Variants in MAD1L1 observed in about 807,000 individuals in gnomAD.
MAD1L1 encodes mitotic arrest deficient 1 like 1.
Under a neutral mutation model 96.9 loss-of-function variants are expected in MAD1L1, and 95 were observed. The observed-to-expected ratio is 0.98, with a 90% confidence interval of 0.83 to 1.16. The LOEUF is 1.16. MAD1L1 is among the 50% of genes most tolerant of loss of function. The pLI is 0.00. For synonymous variants in MAD1L1, 473 were observed against 396.6 expected, an observed-to-expected ratio of 1.19 and a Z score of -2.29; for missense variants, 1,007 against 954.4, an observed-to-expected ratio of 1.06 and a Z score of -0.73.
intron 12 of MAD1L1, among the ~76,000 whole-genome samples, chr7:2,038,671 C>A (rs1250195899): frequency 1.3e-5 from 2 of 151,902 alleles, no homozygotes; most frequent in Non-Finnish European, 2.9e-5. Context: ...TGCCACCACG[C>A]CTCACTAATT....
At chr7:1,957,601 C>T (rs762849892) in intron 16 of MAD1L1, 28 bp downstream of exon 16, 1 of 1,609,194 alleles carries the variant, frequency 6.2e-7, no homozygotes. Context: ...CCAGGCAGTG[C>T]CTCACCCAGA....
At chr7:1,870,229 G>A (rs71523265) in intron 18 of MAD1L1, among the ~76,000 whole-genome samples, 45,837 of 151,140 alleles carry the variant, frequency 0.3, 8,211 homozygotes, top group East Asian at 0.45. Context: ...TGCCTGCCAC[G>A]CTGAACCGAC....
intron 16 of MAD1L1, among the ~76,000 whole-genome samples, chr7:1,937,165 G>T (rs1778659839): frequency 6.6e-6 from 1 of 152,222 alleles, no homozygotes; most frequent in African/African-American, 2.4e-5. Flanking sequence ...CAGGGTGAGA[G>T]GGGACATGCG....
intron 18 of MAD1L1, among the ~76,000 whole-genome samples, chr7:1,818,307 A>G (rs1486416886): frequency 2.6e-5 from 4 of 152,086 alleles, no homozygotes; most frequent in African/African-American, 4.8e-5. Flanking sequence ...GCTGGACCAG[A>G]GAATAGCTGT....
chr7:2,124,235 T>C (rs141534587), intron 11 of MAD1L1, among the ~76,000 whole-genome samples: 35 of 151,912 alleles, frequency 2.3e-4, no homozygotes, highest in Non-Finnish European at 4.7e-4. Context: ...GGTCGAGACA[T>C]GGAGAGGAGG....
At chr7:1,930,894 G>A (rs1244143096) in intron 17 of MAD1L1, among the ~76,000 whole-genome samples, 2 of 152,182 alleles carry the variant, frequency 1.3e-5, no homozygotes, top group South Asian at 4.1e-4. Flanking sequence ...CCTAACCCAT[G>A]CTCAGGGCCA....
chr7:2,221,210 T>G (rs1448859482), intron 5 of MAD1L1, among the ~76,000 whole-genome samples: 3 of 152,088 alleles, frequency 2.0e-5, no homozygotes, highest in Non-Finnish European at 4.4e-5. Flanking sequence ...CTGCCCCTCA[T>G]GAAGTGCTCG....
At chr7:2,048,159 G>T (rs951890256) in intron 12 of MAD1L1, among the ~76,000 whole-genome samples, 1 of 152,214 alleles carries the variant, frequency 6.6e-6, no homozygotes, top group Non-Finnish European at 1.5e-5. Flanking sequence ...ACCGACACGG[G>T]TGTGTTCATG....
At chr7:2,143,553 A>G (rs1562726160) in intron 11 of MAD1L1, among the ~76,000 whole-genome samples, 1 of 151,730 alleles carries the variant, frequency 6.6e-6, no homozygotes, top group Middle Eastern at 3.2e-3. Context: ...ACATGGTGAT[A>G]TCCACTCATC....
intron 17 of MAD1L1, among the ~76,000 whole-genome samples, chr7:1,930,567 A>C (rs1467259608): frequency 3.0e-5 from 2 of 67,478 alleles, no homozygotes; most frequent in African/African-American, 6.9e-5. Context: ...CGCTCACCCC[A>C]CCTCACCGCT....
At chr7:2,111,367 G>A (rs957508576) in intron 11 of MAD1L1, among the ~76,000 whole-genome samples, 7 of 152,186 alleles carry the variant, frequency 4.6e-5, no homozygotes, top group South Asian at 2.1e-4. Flanking sequence ...AGGAGCTTTC[G>A]AGACCGTGGC....
chr7:2,079,620 G>A (rs566721633), intron 11 of MAD1L1: 5 of 470,702 alleles, frequency 1.1e-5, no homozygotes, highest in Non-Finnish European at 2.2e-5. Context: ...TGAAATGTGA[G>A]AAGGAAAATT....
chr7:2,097,223 A>T (rs1236261251), intron 11 of MAD1L1, among the ~76,000 whole-genome samples: 1 of 149,044 alleles, frequency 6.7e-6, no homozygotes, highest in Non-Finnish European at 1.5e-5. Context: ...GCTCTGCCAC[A>T]CCCCACCCCA....
In MAD1L1 at chr7:1,935,480, C is replaced by G. The variant is rs1312654447; in HGVS notation, c.1807+1207G>C. Among the ~76,000 whole-genome samples, 5 of 152,240 alleles carry G rather than the reference C, an allele frequency of 3.3e-5. No individual in the cohort carries two copies. In the East Asian group the frequency reaches 9.6e-4, roughly 29 times the overall value. On this transcript the variant is annotated intron_variant, in intron 17 of 18. Coordinates refer to ENST00000265854, the MANE Select transcript of MAD1L1 (RefSeq NM_001013836.2). The stretch of plus-strand genomic sequence containing the variant: ...CGCTAGCCAGCCACTAAGCCCCTAC[C>G]TGCCGGCAGGGTGCGCCCAGACTCA...
chr7:2,018,147 C>A (rs901744246), intron 12 of MAD1L1, among the ~76,000 whole-genome samples: 1 of 152,152 alleles, frequency 6.6e-6, no homozygotes, highest in South Asian at 2.1e-4. Context: ...CCAGGCCAGC[C>A]CCCAAGTCAG....
At chr7:1,854,459 G>T in intron 18 of MAD1L1, 1 of 439,982 alleles carries the variant, frequency 2.3e-6, no homozygotes, top group African/African-American at 2.0e-5. Flanking sequence ...CAAGGGCAGG[G>T]TAAGGCACAG....
rs990612397 is a variant in MAD1L1 at position 2,077,655 on chromosome 7, G to A, written c.1074-8317C>T. Among the ~76,000 whole-genome samples, 6 of 152,210 alleles carry A rather than the reference G, an allele frequency of 3.9e-5. No homozygotes were observed. The South Asian group carries it at 8.3e-4, about 21-fold the overall frequency. On this transcript the variant is annotated intron_variant, in intron 11 of 18. Coordinates refer to ENST00000265854, the MANE Select transcript of MAD1L1 (RefSeq NM_001013836.2). ...AACTGGTGGCCTGGAGCAGGTACAC[G>A]AGACAAAAAGCAGTGCCGTTCTGCA... is the stretch of plus-strand genomic sequence containing the variant.
chr7:1,832,779 G>A (rs369694158), intron 18 of MAD1L1, among the ~76,000 whole-genome samples: 24 of 146,196 alleles, frequency 1.6e-4, no homozygotes, highest in East Asian at 4.1e-4. Context: ...TTACAGGTAC[G>A]TGCCACCATG....
intron 18 of MAD1L1, among the ~76,000 whole-genome samples, chr7:1,835,393 A>G (rs931613671): frequency 6.6e-6 from 1 of 152,216 alleles, no homozygotes; most frequent in Non-Finnish European, 1.5e-5. Flanking sequence ...TACAGATAAT[A>G]TCATTGTCTA....
Sources: gnomAD v4.1 joint callset for allele counts (sites outside exome capture counted in the v4.1 genomes callset) on GRCh38, gnomAD v4.1.1 for gene constraint, MANE v1.5 for transcripts, NCBI Gene and HGNC (gene_info 2026-07-23, HGNC 2026-07-21) for gene names.